Variants in CNTN5 observed in about 807,000 individuals in gnomAD.
The protein encoded by CNTN5 is contactin 5, also known as contactin-5.
CNTN5 carries 77 observed loss-of-function variants against 129.1 expected under a neutral mutation model. That is an observed-to-expected ratio of 0.60 (90% CI 0.50 to 0.72). The LOEUF (loss-of-function observed/expected upper bound fraction) is 0.72. Among genes scored for constraint, CNTN5 ranks in the 30% least tolerant of loss-of-function variants. The pLI is 0.00. For synonymous variants in CNTN5, 509 were observed against 465.6 expected, an observed-to-expected ratio of 1.09 and a Z score of -1.20; for missense variants, 1,478 against 1,328.8, an observed-to-expected ratio of 1.11 and a Z score of -1.75.
rs116569764 is a variant in CNTN5 at position 99,651,697 on chromosome 11, C to T, written c.55+95428C>T. On this transcript the variant is annotated intron_variant, in intron 3 of 24. Transcript: ENST00000524871. ...TATAAATTAAAATCAAGTCACTTCC[C>T]TAATATGCTTTTATCAGCACTTACT... Among the ~76,000 whole-genome samples, 435 of 151,992 alleles carry T rather than the reference C, an allele frequency of 2.9e-3. 3 individuals carry two copies. Among genetic ancestry groups the T allele is most frequent in the African/African-American group, 9.9e-3 (411 of 41,468 alleles).
At chr11:100,078,097 C>T (rs1944214967) in intron 13 of CNTN5, among the ~76,000 whole-genome samples, 1 of 152,088 alleles carries the variant, frequency 6.6e-6, no homozygotes, top group Non-Finnish European at 1.5e-5. Flanking sequence ...TATAGTTCGT[C>T]ATTTGTCAAC....
rs143348721 is a variant in CNTN5 at position 99,859,786 on chromosome 11, T to G, written c.577+14524T>G. Among the ~76,000 whole-genome samples the G allele has an allele frequency of 7.4e-3, 1,129 of 152,292 alleles. 12 individuals carry two copies. The highest frequency in any genetic ancestry group is 0.026 in the African/African-American group (1,061 of 41,564). Reference sequence around the variant, plus strand: ...TAGGTTGATTCCACGTCTTTGCTATTGTGAATAGTGCTTCAGTGAACATGT... The same window carrying G: ...TAGGTTGATTCCACGTCTTTGCTATGGTGAATAGTGCTTCAGTGAACATGT... On this transcript the variant is annotated intron_variant, in intron 6 of 24. Transcript: ENST00000524871.
intron 1 of CNTN5, among the ~76,000 whole-genome samples, chr11:99,266,940 T>C (rs947223831): frequency 6.6e-6 from 1 of 152,042 alleles, no homozygotes; most frequent in African/African-American, 2.4e-5. Flanking sequence ...TCTGGCATCT[T>C]GGACTATGGA....
At chr11:99,760,884 GAC>G (rs773123194) in intron 3 of CNTN5, among the ~76,000 whole-genome samples, 2 of 152,048 alleles carry the variant, frequency 1.3e-5, no homozygotes, top group African/African-American at 4.8e-5. Flanking sequence ...CTTGGCAACA[GAC>G]ACCTGAGAAC....
At chr11:100,044,185 C>G (rs993637202) in intron 9 of CNTN5, among the ~76,000 whole-genome samples, 4 of 141,720 alleles carry the variant, frequency 2.8e-5, no homozygotes, top group Non-Finnish European at 6.2e-5. Context: ...TATATATATA[C>G]GTGATATGTA....
intron 2 of CNTN5, among the ~76,000 whole-genome samples, chr11:99,357,222 T>C (rs1938739256): frequency 6.6e-6 from 1 of 152,142 alleles, no homozygotes; most frequent in South Asian, 2.1e-4. Context: ...TAACACCTTG[T>C]TGCTTCTTAA....
chr11:99,661,124 T>A (rs1361110347), intron 3 of CNTN5, among the ~76,000 whole-genome samples: 1 of 152,118 alleles, frequency 6.6e-6, no homozygotes, highest in Non-Finnish European at 1.5e-5. Context: ...AATCCTATAA[T>A]ATGGGTAGTA....
chr11:99,288,421 G>A (rs906066452), intron 1 of CNTN5, among the ~76,000 whole-genome samples: 4 of 151,792 alleles, frequency 2.6e-5, no homozygotes, highest in Admixed American at 6.6e-5. Flanking sequence ...AAAGAATGTA[G>A]TAATTTAATC....
intron 15 of CNTN5, among the ~76,000 whole-genome samples, chr11:100,224,051 C>T (rs1162010638): frequency 2.0e-5 from 3 of 152,120 alleles, no homozygotes; most frequent in African/African-American, 7.2e-5. Flanking sequence ...TTGCCCCCAA[C>T]AAGAATCAGG....
chr11:99,641,071 C>A (rs1267720632), intron 3 of CNTN5, among the ~76,000 whole-genome samples: 1 of 152,120 alleles, frequency 6.6e-6, no homozygotes, highest in African/African-American at 2.4e-5. Context: ...GAAGTAAGTA[C>A]ACTTAAGGAG....
At chr11:99,962,282 A>T (rs1235484831) in intron 8 of CNTN5, among the ~76,000 whole-genome samples, 6 of 150,736 alleles carry the variant, frequency 4.0e-5, no homozygotes, top group Admixed American at 2.0e-4. Flanking sequence ...AACATTAGGT[A>T]TATCTCCTAA....
chr11:100,066,833 C>CAAA (rs34290071), intron 10 of CNTN5, among the ~76,000 whole-genome samples: 10,448 of 124,648 alleles, frequency 0.084, 582 homozygotes, highest in African/African-American at 0.16. Context: ...AGTCCTCTGC[C>CAAA]AAAAAAAAAA....
chr11:99,853,409 A>AC (rs1565606892), intron 6 of CNTN5, among the ~76,000 whole-genome samples: 1 of 130,830 alleles, frequency 7.6e-6, no homozygotes, highest in Non-Finnish European at 1.7e-5. Flanking sequence ...GTATATATAT[A>AC]TTTTTTTGAG....
At chr11:99,159,124 C>G (rs1860470439) in intron 1 of CNTN5, among the ~76,000 whole-genome samples, 1 of 152,126 alleles carries the variant, frequency 6.6e-6, no homozygotes, top group Admixed American at 6.5e-5. Context: ...TTTATGAGGA[C>G]TACATTGGAT....
At chr11:99,311,463 T>C (rs1366764903) in intron 1 of CNTN5, among the ~76,000 whole-genome samples, 1 of 152,134 alleles carries the variant, frequency 6.6e-6, no homozygotes, top group Non-Finnish European at 1.5e-5. Flanking sequence ...TAGGACAATT[T>C]CCAGAGATTT....
chr11:99,055,927 T>C (rs78306313), intron 1 of CNTN5, among the ~76,000 whole-genome samples: 5,379 of 151,984 alleles, frequency 0.035, 311 homozygotes, highest in African/African-American at 0.12. Context: ...GGTTGTCTCC[T>C]TCGGTTTCAA....
chr11:99,888,144 TTATG>T (rs1454340203), intron 6 of CNTN5, among the ~76,000 whole-genome samples: 1 of 152,132 alleles, frequency 6.6e-6, no homozygotes, highest in East Asian at 1.9e-4. Flanking sequence ...TGGCACATAT[TTATG>T]CTCATTATAT....
At chr11:100,252,651 G>T (rs373227455) in intron 16 of CNTN5, among the ~76,000 whole-genome samples, 2 of 152,046 alleles carry the variant, frequency 1.3e-5, no homozygotes, top group Non-Finnish European at 2.9e-5. Flanking sequence ...AATTTTTCCA[G>T]AACCATTTAT....
At position 100,074,913 on chromosome 11, in the gene CNTN5, G is replaced by A. The variant is rs117499646; in HGVS notation, c.1580+619G>A. On this transcript the variant is annotated intron_variant, in intron 13 of 24. Coordinates refer to ENST00000524871, the MANE Select transcript of CNTN5 (RefSeq NM_014361.4). ...TCATGAGGGAATCAAATCATCACAT[G>A]GCAATCTATTTGTACCAAATTCAAA... 8.7e-3 allele frequency among the ~76,000 whole-genome samples: 1,319 copies of A among 152,180 alleles called. 6 individuals are homozygous for A. Among genetic ancestry groups the A allele is most frequent in the Non-Finnish European group, 0.013 (917 of 67,980 alleles).
Sources: allele counts gnomAD v4.1 joint callset (sites outside exome capture counted in the v4.1 genomes callset), GRCh38; gene constraint gnomAD v4.1.1; transcripts MANE v1.5; gene names NCBI Gene and HGNC (gene_info 2026-07-23, HGNC 2026-07-21).